Variants in CRACR2A observed in about 807,000 individuals in gnomAD.
The protein encoded by CRACR2A is EF-hand calcium-binding domain-containing protein 4B.
CRACR2A carries 79 observed loss-of-function variants against 90.5 expected under a neutral mutation model. That is an observed-to-expected ratio of 0.87 (90% CI 0.73 to 1.05). The LOEUF is 1.05. CRACR2A is among the 50% of genes least tolerant of loss of function. The pLI, the probability that CRACR2A is intolerant of heterozygous loss-of-function variation, is 0.00. For synonymous variants in CRACR2A, 338 were observed against 356.7 expected (o/e 0.95, Z 0.59); for missense variants, 823 against 897.2 (o/e 0.92, Z 1.06).
At chr12:3,744,896 T>A (rs1350017001) in intron 1 of CRACR2A, among the ~76,000 whole-genome samples, 1 of 152,196 alleles carries the variant, frequency 6.6e-6, no homozygotes, top group Non-Finnish European at 1.5e-5. Context: ...ATATACTTAC[T>A]GCCACTGCGC....
At chr12:3,698,309 C>T (rs1366344619) in intron 3 of CRACR2A, among the ~76,000 whole-genome samples, 4 of 152,146 alleles carry the variant, frequency 2.6e-5, no homozygotes, top group African/African-American at 7.2e-5. Flanking sequence ...GAATGTGATG[C>T]TCTGGATCAT....
chr12:3,740,143 T>C (rs1265382147), intron 1 of CRACR2A, among the ~76,000 whole-genome samples: 1 of 152,136 alleles, frequency 6.6e-6, no homozygotes, highest in Non-Finnish European at 1.5e-5. Context: ...AGGAGATCCC[T>C]GGAGATCAAA....
chr12:3,727,429 A>T (rs1261824564), intron 2 of CRACR2A: 1 of 152,156 alleles, frequency 6.6e-6, no homozygotes, highest in Non-Finnish European at 1.5e-5. Context: ...GCTAATTTAA[A>T]CTAGTATCTA....
chr12:3,727,199 A>G (rs1372444028), intron 2 of CRACR2A: 1 of 149,978 alleles, frequency 6.7e-6, no homozygotes, highest in Non-Finnish European at 1.5e-5. Flanking sequence ...TCCTTATAGT[A>G]TGGGCGGTGA....
At chr12:3,719,946 C>T (rs1357872447) in intron 2 of CRACR2A, among the ~76,000 whole-genome samples, 1 of 151,736 alleles carries the variant, frequency 6.6e-6, no homozygotes, top group Non-Finnish European at 1.5e-5. Context: ...GGTGAAACCC[C>T]ATCTCTACTA....
At chr12:3,743,447 G>A (rs1314215969) in intron 1 of CRACR2A, among the ~76,000 whole-genome samples, 1 of 152,214 alleles carries the variant, frequency 6.6e-6, no homozygotes, top group Non-Finnish European at 1.5e-5. Context: ...TTACAGGCGT[G>A]TGGAGAGAGC....
chr12:3,643,872 A>ATATATTTATATTATATATATAATATATAT (rs1293099213), intron 12 of CRACR2A, among the ~76,000 whole-genome samples: 1 of 70,592 alleles, frequency 1.4e-5, no homozygotes, highest in Non-Finnish European at 2.4e-5. Flanking sequence ...TATATATATT[A>ATATATTTATATTATATATATAATATATAT]TATATATTTA....
chr12:3,668,028 A>G (rs1945178254), intron 7 of CRACR2A, among the ~76,000 whole-genome samples: 1 of 152,250 alleles, frequency 6.6e-6, no homozygotes, highest in Non-Finnish European at 1.5e-5. Flanking sequence ...CCTATTCTAT[A>G]AAGCAAACCA....
chr12:3,639,457 A>AACACACACACACACACACAC (rs9300301), intron 13 of CRACR2A, among the ~76,000 whole-genome samples: 25,733 of 139,346 alleles, frequency 0.18, 2,798 homozygotes, highest in African/African-American at 0.27. Context: ...CCAGAATTGA[A>AACACACACACACACACACAC]ACACACACAC....
intron 4 of CRACR2A, among the ~76,000 whole-genome samples, chr12:3,690,162 G>A (rs932684086): frequency 4.6e-5 from 7 of 151,740 alleles, no homozygotes; most frequent in African/African-American, 1.7e-4. Flanking sequence ...ATCTCCTTGA[G>A]TTCAGCTCTG....
At chr12:3,653,198 G>A (rs935398770) in intron 10 of CRACR2A, among the ~76,000 whole-genome samples, 2 of 151,848 alleles carry the variant, frequency 1.3e-5, no homozygotes, top group African/African-American at 2.4e-5. Context: ...GGTCAGGCTG[G>A]TCTTGAACTC....
At chr12:3,673,710 T>C in intron 6 of CRACR2A, 118 bp from the exon 7 acceptor site, 1 of 1,319,228 alleles carries the variant, frequency 7.6e-7, no homozygotes, top group Admixed American at 2.4e-5. Flanking sequence ...ATTATAAAGA[T>C]GACAGTAGCT....
At chr12:3,649,977 C>T (rs1463969712) in intron 10 of CRACR2A, among the ~76,000 whole-genome samples, 5 of 152,170 alleles carry the variant, frequency 3.3e-5, no homozygotes, top group African/African-American at 9.7e-5. Context: ...ACTGGCTTAA[C>T]TTCACAATTC....
chr12:3,625,668 G>T (rs1268065384), intron 17 of CRACR2A, among the ~76,000 whole-genome samples: 1 of 149,692 alleles, frequency 6.7e-6, no homozygotes, highest in Non-Finnish European at 1.5e-5. Flanking sequence ...AATTGTAGCT[G>T]ACCTCCAATA....
intron 2 of CRACR2A, among the ~76,000 whole-genome samples, chr12:3,723,519 C>T (rs1285665131): frequency 2.0e-5 from 3 of 152,062 alleles, no homozygotes; most frequent in African/African-American, 7.2e-5. Context: ...TTTCACACGT[C>T]TCTGACTCAG....
chr12:3,639,961 T>A (rs1325344110), intron 13 of CRACR2A, among the ~76,000 whole-genome samples: 1 of 152,166 alleles, frequency 6.6e-6, no homozygotes, highest in East Asian at 1.9e-4. Context: ...CACACACAAG[T>A]GACTATTTGT....
In CRACR2A at chr12:3,647,123, C is replaced by T. The variant is rs551904892; in HGVS notation, c.1118+1419G>A. On this transcript the variant is annotated intron_variant, in intron 11 of 19. Transcript: ENST00000440314. ...CTTCGGATGGCAGCCCTTCTCACCC[C>T]GTCACACCCCAGCTGTTGTCCTGAT... is the stretch of plus-strand genomic sequence containing the variant. Among the ~76,000 whole-genome samples the T allele has an allele frequency of 2.2e-4, 34 of 152,270 alleles. No individual in the cohort carries two copies. The East Asian group carries it at 5.8e-3, about 26-fold the overall frequency.
rs1312181536 is a variant in CRACR2A at position 3,633,735 on chromosome 12, T to A, written c.1604A>T (p.Glu535Val). 6.4e-7 allele frequency: 1 copy of A among 1,551,490 alleles called. No individual in the cohort carries two copies. Among genetic ancestry groups the A allele is most frequent in the Non-Finnish European group, 8.7e-7 (1 of 1,146,990 alleles). The change falls in exon 15 of 20, where the codon GAG becomes GTG. Residue 535 changes from glutamate (E) to valine (V), a missense_variant and splice_region_variant. Transcript: ENST00000440314. This position sits in a 1 kb window ranked among gnomAD's most constrained non-coding sequence, Gnocchi z 4.5. ...GTCAGGGGCAGAGGGAGAGCTTTCC[T>A]CCTGTGGATGGCACACAATCTGACC... is the stretch of plus-strand genomic sequence containing the variant. ...QPVGKEALCK[E>V]ESSPSAPDRL...
chr12:3,722,200 T>C (rs768536804), intron 2 of CRACR2A, among the ~76,000 whole-genome samples: 7 of 152,210 alleles, frequency 4.6e-5, no homozygotes, highest in Non-Finnish European at 1.0e-4. Flanking sequence ...CTTGGATGTG[T>C]TGGATTCTAA....
Sources: allele counts gnomAD v4.1 joint callset (sites outside exome capture counted in the v4.1 genomes callset), GRCh38; gene constraint gnomAD v4.1.1; non-coding constraint Gnocchi (gnomAD v3.1); transcripts MANE v1.5; gene names NCBI Gene and HGNC (gene_info 2026-07-23, HGNC 2026-07-21).